Variants in BMPR1A observed in about 807,000 individuals in gnomAD.
BMPR1A encodes the protein bone morphogenetic protein receptor type 1A.
Under a neutral mutation model 66.0 loss-of-function variants are expected in BMPR1A, and 7 were observed. The observed-to-expected ratio is 0.11, with a 90% CI of 0.06 to 0.20. BMPR1A has a LOEUF of 0.20. Among genes scored for constraint, BMPR1A ranks in the 10% least tolerant of loss-of-function variants. BMPR1A has a pLI of 1.00. For synonymous variants in BMPR1A, 200 were observed against 229.7 expected, an observed-to-expected ratio of 0.87 and a Z score of 1.17; for missense variants, 408 against 669.1, an observed-to-expected ratio of 0.61 and a Z score of 4.31.
At chr10:86,787,658 C>T (rs1429080221) in intron 1 of BMPR1A, among the ~76,000 whole-genome samples, 1 of 152,086 alleles carries the variant, frequency 6.6e-6, no homozygotes, top group African/African-American at 2.4e-5. Flanking sequence ...ATACCAAAGA[C>T]TGGGTAGTTT....
Position 86,793,384 on chromosome 10 carries a change from A to G in BMPR1A, c.-268+36465A>G, listed in dbSNP as rs1354352859. On this transcript the variant is annotated intron_variant, in intron 1 of 12. Transcript: ENST00000372037. The stretch of plus-strand genomic sequence containing the variant: ...CTGACAGTTTTTTTTTTTTTTTGAG[A>G]TGGAGTTTCGCTGTTGTTGCCCAGG... Among the ~76,000 whole-genome samples, 5 of 140,468 alleles carry G rather than the reference A, an allele frequency of 3.6e-5. No individual in the cohort carries two copies. In the East Asian group the frequency reaches 8.4e-4, roughly 24 times the overall value. 92.2% of individuals were successfully genotyped at this position (140,468 alleles called of 152,430 possible). A position where few individuals can be genotyped will look rare whatever the true frequency, so the allele number is the denominator to read the frequency against.
chr10:86,797,631 G>A (rs539984629), intron 1 of BMPR1A, among the ~76,000 whole-genome samples: 1 of 152,140 alleles, frequency 6.6e-6, no homozygotes, highest in Admixed American at 6.5e-5. Flanking sequence ...CTCCCAAAGT[G>A]CTGGGGATTA....
rs982858102 is a variant in BMPR1A at position 86,927,152 on chromosome 10, C to T, written c.*3433C>T. 1.1e-5 allele frequency: 2 copies of T among 187,134 alleles called. No individual in the cohort carries two copies. Among genetic ancestry groups the T allele is most frequent in the South Asian group, 3.9e-4 (2 of 5,128 alleles). The allele number at this position is 187,134 out of a possible 1,614,324, so 11.6% of individuals were successfully genotyped here. On this transcript the variant is annotated 3_prime_UTR_variant, in exon 13 of 13. Coordinates refer to ENST00000372037, the MANE Select transcript of BMPR1A (RefSeq NM_004329.3). The stretch of plus-strand genomic sequence containing the variant: ...TACTCTAACAATCAGTACTTTTCTT[C>T]AGATGCTTTGTTCTGTTTAGAACAA...
At chr10:86,839,895 C>T (rs1425497072) in intron 2 of BMPR1A, among the ~76,000 whole-genome samples, 2 of 152,074 alleles carry the variant, frequency 1.3e-5, no homozygotes, top group Non-Finnish European at 2.9e-5. Flanking sequence ...CCCCTGGACT[C>T]AAGTGATCCT....
In BMPR1A at chr10:86,859,451, G is replaced by C. The variant is rs1358868221; in HGVS notation, c.-152-16416G>C. 5.3e-5 allele frequency among the ~76,000 whole-genome samples: 8 copies of C among 152,074 alleles called. No individual in the cohort carries two copies. In the South Asian group the frequency reaches 1.7e-3, roughly 32 times the overall value. On this transcript the variant is annotated intron_variant, in intron 2 of 12. Coordinates refer to ENST00000372037, the MANE Select transcript of BMPR1A (RefSeq NM_004329.3). ...CTCAAAGTGCTGGGGTTATAGGTGTGAGCCATTAGCGCCCAGCTAAATACT... is the reference window on the plus strand; with the variant it reads ...CTCAAAGTGCTGGGGTTATAGGTGTCAGCCATTAGCGCCCAGCTAAATACT...
At position 86,809,354 on chromosome 10, in the gene BMPR1A, A is replaced by G. The variant is rs1310290004; in HGVS notation, c.-267-29511A>G. 2.6e-5 allele frequency among the ~76,000 whole-genome samples: 4 copies of G among 151,926 alleles called. No individual in the cohort carries two copies. In the East Asian group the frequency reaches 5.8e-4, roughly 22 times the overall value. ...ACCCAGGCTGGAGTGCAGTGGCACA[A>G]TCATAGCTCACTGCAACCTCCACTT... is the stretch of plus-strand genomic sequence containing the variant. On this transcript the variant is annotated intron_variant, in intron 1 of 12. Coordinates refer to ENST00000372037, the MANE Select transcript of BMPR1A (RefSeq NM_004329.3).
chr10:86,793,564 A>C (rs1841662656), intron 1 of BMPR1A, among the ~76,000 whole-genome samples: 1 of 151,992 alleles, frequency 6.6e-6, no homozygotes, highest in Non-Finnish European at 1.5e-5. Flanking sequence ...GGGTTTCATC[A>C]TATTGATCAG....
intron 1 of BMPR1A, among the ~76,000 whole-genome samples, chr10:86,758,478 G>A (rs1312905250): frequency 6.6e-6 from 1 of 151,304 alleles, no homozygotes; most frequent in Non-Finnish European, 1.5e-5. Context: ...GTCGTATTTG[G>A]GTTCTTTAAA....
chr10:86,809,438 T>A (rs1461135308), intron 1 of BMPR1A, among the ~76,000 whole-genome samples: 1 of 151,836 alleles, frequency 6.6e-6, no homozygotes, highest in Non-Finnish European at 1.5e-5. Context: ...TACAGGTGCG[T>A]GCCATCACAC....
At chr10:86,923,248 A>T in intron 11 of BMPR1A, 128 bp from the exon 12 acceptor site, 1 of 1,286,082 alleles carries the variant, frequency 7.8e-7, no homozygotes, top group Non-Finnish European at 1.1e-6. Flanking sequence ...AGAGTGAATC[A>T]TAGTGTCTAT....
chr10:86,790,775 A>C (rs188963842), intron 1 of BMPR1A, among the ~76,000 whole-genome samples: 7 of 152,332 alleles, frequency 4.6e-5, no homozygotes, highest in Admixed American at 2.6e-4. Context: ...TAGTGATAAA[A>C]ATGTACTGGA....
Position 86,921,510 on chromosome 10 carries a change from T to C in BMPR1A, c.1167-10T>C. The C allele has an allele frequency of 6.2e-7, 1 of 1,613,880 alleles. No homozygotes were observed. The highest frequency in any genetic ancestry group is 8.5e-7 in the Non-Finnish European group (1 of 1,179,866). On this transcript the variant is annotated splice_polypyrimidine_tract_variant and intron_variant, in intron 10 of 12. Transcript: ENST00000372037. ...CCCTCAACTTGGACCTTGGCTTTCT[T>C]TTGTTTCAGTGACACAAATGAAGTT...
chr10:86,798,816 A>G (rs1841763744), intron 1 of BMPR1A, among the ~76,000 whole-genome samples: 2 of 152,212 alleles, frequency 1.3e-5, no homozygotes, highest in Non-Finnish European at 1.5e-5. Flanking sequence ...ATCTGTTTCC[A>G]TTCTCAGAAA....
chr10:86,841,216 A>C (rs145777551), intron 2 of BMPR1A, among the ~76,000 whole-genome samples: 11 of 152,354 alleles, frequency 7.2e-5, no homozygotes, highest in African/African-American at 2.6e-4. Context: ...GTTCCTAGCT[A>C]TACTCAAAAA....
chr10:86,783,970 T>G (rs1841476311), intron 1 of BMPR1A, among the ~76,000 whole-genome samples: 1 of 152,252 alleles, frequency 6.6e-6, no homozygotes, highest in Admixed American at 6.5e-5. Flanking sequence ...TGACTTTGTA[T>G]CCTCCTGCTT....
At chr10:86,830,682 A>C (rs1842256732) in intron 1 of BMPR1A, among the ~76,000 whole-genome samples, 1 of 151,910 alleles carries the variant, frequency 6.6e-6, no homozygotes, top group Non-Finnish European at 1.5e-5. Context: ...AATTTTTTTC[A>C]ATTGTTGAGC....
chr10:86,898,078 C>T (rs1325910433), intron 5 of BMPR1A, among the ~76,000 whole-genome samples: 1 of 151,846 alleles, frequency 6.6e-6, no homozygotes, highest in African/African-American at 2.4e-5. Flanking sequence ...CTATTTTTGG[C>T]TTCTTTTTAA....
chr10:86,760,438 A>G (rs996921377), intron 1 of BMPR1A, among the ~76,000 whole-genome samples: 1 of 151,500 alleles, frequency 6.6e-6, no homozygotes, highest in African/African-American at 2.4e-5. Context: ...GGGTTTTGCC[A>G]TGTTGGCCAG....
intron 2 of BMPR1A, among the ~76,000 whole-genome samples, chr10:86,840,270 C>T (rs1267029279): frequency 1.3e-5 from 2 of 152,296 alleles, no homozygotes; most frequent in East Asian, 3.9e-4. Flanking sequence ...AGCATTCACT[C>T]GCCCTTCTCC....
Sources: gnomAD v4.1 joint callset for allele counts (sites outside exome capture counted in the v4.1 genomes callset) on GRCh38, gnomAD v4.1.1 for gene constraint, MANE v1.5 for transcripts, NCBI Gene and HGNC (gene_info 2026-07-23, HGNC 2026-07-21) for gene names.